Variants in CAST observed in about 807,000 individuals in gnomAD.
CAST encodes the protein MIR583 host.
CAST carries 76 observed loss-of-function variants against 119.6 expected under a neutral mutation model. The observed-to-expected ratio is 0.64, with a 90% confidence interval of 0.53 to 0.77. The LOEUF is 0.77. Among genes scored for constraint, CAST ranks in the 30% least tolerant of loss-of-function variants. CAST has a pLI of 0.00. For synonymous variants in CAST, 319 were observed against 331.6 expected (o/e 0.96, Z 0.41); for missense variants, 953 against 946.5 (o/e 1.01, Z -0.09).
chr5:96,407,187 A>G, the CAST span, among the ~76,000 whole-genome samples: 1 of 152,232 alleles, frequency 6.6e-6, no homozygotes, highest in African/African-American at 2.4e-5. Flanking sequence ...AAACATAACT[A>G]CATACATATT....
the CAST span, among the ~76,000 whole-genome samples, chr5:96,177,659 C>T: frequency 7.2e-5 from 11 of 152,200 alleles, no homozygotes; most frequent in African/African-American, 1.2e-4. Context: ...CTTATAAAAC[C>T]GGTTTTTCTT....
the CAST span, among the ~76,000 whole-genome samples, chr5:96,171,353 G>A: frequency 6.6e-6 from 1 of 152,162 alleles, no homozygotes; most frequent in Non-Finnish European, 1.5e-5. Flanking sequence ...CAGGCTAAGG[G>A]AGAAGAAGGA....
chr5:96,143,997 G>T, the CAST span, among the ~76,000 whole-genome samples: 5 of 152,170 alleles, frequency 3.3e-5, no homozygotes, highest in Admixed American at 1.3e-4. Context: ...CATATACTTG[G>T]TAGGACGGCC....
chr5:96,697,174 AG>A (rs1229060092), intron 3 of CAST, among the ~76,000 whole-genome samples: 3 of 152,216 alleles, frequency 2.0e-5, no homozygotes, highest in Non-Finnish European at 4.4e-5. Context: ...CTCAAAAAAA[AG>A]AAAAAAAAAG....
chr5:96,613,143 ATCT>A (rs1025089703), intron 1 of CAST, among the ~76,000 whole-genome samples: 2 of 152,206 alleles, frequency 1.3e-5, no homozygotes, highest in Non-Finnish European at 2.9e-5. Flanking sequence ...GACCCTCTCC[ATCT>A]TCTTCTCTTT....
At chr5:96,482,892 A>G in the CAST span, among the ~76,000 whole-genome samples, 1 of 152,182 alleles carries the variant, frequency 6.6e-6, no homozygotes, top group Non-Finnish European at 1.5e-5. Flanking sequence ...TTAAAGGTCC[A>G]AATTTGAGGT....
At chr5:96,286,428 C>A in the CAST span, among the ~76,000 whole-genome samples, 1 of 152,098 alleles carries the variant, frequency 6.6e-6, no homozygotes, top group South Asian at 2.1e-4. Context: ...TCACTTGCTC[C>A]CTGGACTCAA....
chr5:96,680,320 A>C (rs1751209963), intron 2 of CAST, among the ~76,000 whole-genome samples: 1 of 134,588 alleles, frequency 7.4e-6, no homozygotes, highest in South Asian at 2.5e-4. Flanking sequence ...ACACCACTGC[A>C]CTCCAGCCTG....
the CAST span, among the ~76,000 whole-genome samples, chr5:96,332,650 G>A: frequency 6.6e-6 from 1 of 152,144 alleles, no homozygotes; most frequent in African/African-American, 2.4e-5. Flanking sequence ...CTACAAATGT[G>A]ACATGATGGG....
the CAST span, among the ~76,000 whole-genome samples, chr5:96,184,658 A>C: frequency 4.9e-4 from 74 of 152,020 alleles, no homozygotes; most frequent in Middle Eastern, 3.4e-3. Context: ...TTCCAAATCC[A>C]TCCATGTCTC....
chr5:96,619,663 C>T (rs1747555319), intron 1 of CAST, among the ~76,000 whole-genome samples: 1 of 152,162 alleles, frequency 6.6e-6, no homozygotes, highest in Admixed American at 6.5e-5. Flanking sequence ...CCAGCGAGAC[C>T]ACTAACCCAC....
At chr5:96,372,822 T>C in the CAST span, among the ~76,000 whole-genome samples, 1 of 152,264 alleles carries the variant, frequency 6.6e-6, no homozygotes, top group Non-Finnish European at 1.5e-5. Flanking sequence ...GGAGCCACCA[T>C]CAATGCTGAC....
At chr5:96,184,034 G>A in the CAST span, among the ~76,000 whole-genome samples, 3 of 152,132 alleles carry the variant, frequency 2.0e-5, no homozygotes, top group African/African-American at 7.2e-5. Flanking sequence ...GGTAAGTGAG[G>A]CATTTAGAAT....
chr5:96,352,373 G>A, the CAST span, among the ~76,000 whole-genome samples: 1 of 152,090 alleles, frequency 6.6e-6, no homozygotes, highest in African/African-American at 2.4e-5. Context: ...ACGTTTCATT[G>A]CTTTGTATAT....
intron 1 of CAST, among the ~76,000 whole-genome samples, chr5:96,536,753 C>T (rs1355543343): frequency 6.6e-6 from 1 of 152,098 alleles, no homozygotes; most frequent in Non-Finnish European, 1.5e-5. Flanking sequence ...TGGGATAATA[C>T]CATGAGAAAT....
chr5:96,399,033 G>A, the CAST span: 10 of 1,606,782 alleles, frequency 6.2e-6, no homozygotes, highest in Non-Finnish European at 7.7e-6. Flanking sequence ...TAGCTTTCAG[G>A]GCTCTAAATA....
intron 24 of CAST, among the ~76,000 whole-genome samples, chr5:96,759,378 C>G (rs1382626801): frequency 6.6e-6 from 1 of 152,014 alleles, no homozygotes; most frequent in East Asian, 1.9e-4. Context: ...ACTGAGATCA[C>G]ATTGATAATA....
the CAST span, among the ~76,000 whole-genome samples, chr5:96,055,874 T>C: frequency 6.6e-6 from 1 of 152,254 alleles, no homozygotes; most frequent in East Asian, 1.9e-4. Flanking sequence ...GGTGAAGCTT[T>C]GTTGATGATA....
the CAST span, among the ~76,000 whole-genome samples, chr5:96,139,879 A>G: frequency 6.6e-6 from 1 of 152,154 alleles, no homozygotes; most frequent in Non-Finnish European, 1.5e-5. Context: ...GTGGGAGGGC[A>G]AACTCTCATC....
Sources: gnomAD v4.1 joint callset for allele counts (sites outside exome capture counted in the v4.1 genomes callset) on GRCh38, gnomAD v4.1.1 for gene constraint, MANE v1.5 for transcripts, NCBI Gene and HGNC (gene_info 2026-07-23, HGNC 2026-07-21) for gene names.